CDH12: variants seen among roughly 807,000 people sequenced by gnomAD.
The protein encoded by CDH12 is cadherin 12.
In CDH12, 41 loss-of-function variants were observed where a neutral mutation model predicts 74.1. The observed-to-expected ratio is 0.55, with a 90% CI of 0.43 to 0.72. CDH12 has a LOEUF of 0.72. Ranked by LOEUF, CDH12 falls within the 30% of genes least tolerant of loss-of-function variation. The pLI, the probability that CDH12 is intolerant of heterozygous loss-of-function variation, is 0.00. For missense variants in CDH12, 945 were observed against 977.2 expected (o/e 0.97, Z 0.44); for synonymous variants, 399 against 355.0 (o/e 1.12, Z -1.39).
chr5:22,531,890 A>G (rs1004241351), intron 1 of CDH12, among the ~76,000 whole-genome samples: 7 of 152,108 alleles, frequency 4.6e-5, no homozygotes, highest in African/African-American at 1.7e-4. Context: ...CCACACCATG[A>G]CTGGCAGTTT....
chr5:22,731,061 T>A (rs1262721254), intron 1 of CDH12, among the ~76,000 whole-genome samples: 1 of 151,856 alleles, frequency 6.6e-6, no homozygotes, highest in Admixed American at 6.6e-5. Context: ...ATCAAAAGCA[T>A]CCTTTAAGAC....
intron 1 of CDH12, among the ~76,000 whole-genome samples, chr5:22,569,414 A>G (rs1303289053): frequency 6.6e-6 from 1 of 152,186 alleles, no homozygotes; most frequent in African/African-American, 2.4e-5. Flanking sequence ...AGGCCTCCCC[A>G]GAAGCTGAGC....
At position 22,078,462 on chromosome 5, in the gene CDH12, G is replaced by T. The variant is rs753706577; in HGVS notation, c.215C>A (p.Pro72His). 5 of 1,613,638 alleles carry T rather than the reference G, an allele frequency of 3.1e-6. No individual in the cohort carries two copies. The highest frequency in any genetic ancestry group is 4.2e-6 in the Non-Finnish European group (5 of 1,179,694). Residue 72 changes from proline to histidine, a missense_variant, in exon 5 of 15, where the codon CCT (proline) becomes CAT (histidine). By Grantham distance (77) the Pro-to-His change is moderately conservative. This residue lies in a region of CDH12 where 148 missense variants were observed against 162.8 expected (regional missense o/e 0.91). Transcript: ENST00000382254. ...CGCCATTACCTTTCCCACATACTGA[G>T]GCTCGGAGCCCACGTATTCTTCCAG... ...FVLEEYVGSE[P>H]QYVGKLHSDL...
At position 22,282,529 on chromosome 5, in the gene CDH12, A is replaced by C. The variant is rs571541337; in HGVS notation, c.-332-69886T>G. Among the ~76,000 whole-genome samples the C allele has an allele frequency of 2.0e-5, 3 of 151,894 alleles. No homozygotes were observed. The South Asian group carries it at 6.2e-4, about 32-fold the overall frequency. ...GGGCTAATATCCAGAATCTACAAGGAACTTAAATTTACAAGCAAAGAACAA... is the reference window on the plus strand; with the variant it reads ...GGGCTAATATCCAGAATCTACAAGGCACTTAAATTTACAAGCAAAGAACAA... On this transcript the variant is annotated intron_variant, in intron 3 of 14. Transcript: ENST00000382254.
intron 4 of CDH12, among the ~76,000 whole-genome samples, chr5:22,190,116 C>T (rs1750185517): frequency 1.3e-5 from 2 of 152,134 alleles, no homozygotes; most frequent in African/African-American, 2.4e-5. Flanking sequence ...AATTAATCCT[C>T]ATACTGAGTC....
intron 3 of CDH12, among the ~76,000 whole-genome samples, chr5:22,337,287 T>C (rs769252897): frequency 7.9e-5 from 12 of 152,178 alleles, no homozygotes; most frequent in Non-Finnish European, 1.5e-4. Context: ...ATATGGACTT[T>C]TGATTTAATG....
rs113015126 is a variant in CDH12 at position 22,063,743 on chromosome 5, G to A, written c.231+14703C>T. The stretch of plus-strand genomic sequence containing the variant: ...TAATGAGATTAACATTTAAATTGGC[G>A]GACTTTGAGTAAAACAGATTAGATG... On this transcript the variant is annotated intron_variant, in intron 5 of 14. Coordinates refer to ENST00000382254, the MANE Select transcript of CDH12 (RefSeq NM_004061.5). Among the ~76,000 whole-genome samples, 173 of 151,384 alleles carry A rather than the reference G, an allele frequency of 1.1e-3. 1 individual carries two copies. Among genetic ancestry groups the A allele is most frequent in the African/African-American group, 3.7e-3 (151 of 41,198 alleles).
At chr5:22,355,521 A>AT (rs70959719) in intron 3 of CDH12, among the ~76,000 whole-genome samples, 25,046 of 73,560 alleles carry the variant, frequency 0.34, 2,498 homozygotes, top group Non-Finnish European at 0.45. Flanking sequence ...CCTTAAAAAA[A>AT]AAATATATAT....
intron 1 of CDH12, among the ~76,000 whole-genome samples, chr5:22,802,320 C>T (rs1748575915): frequency 6.6e-6 from 1 of 151,848 alleles, no homozygotes; most frequent in Non-Finnish European, 1.5e-5. Flanking sequence ...TGGGGTTTCA[C>T]CATGTTAGCC....
chr5:22,380,541 A>G (rs1360137916), intron 3 of CDH12, among the ~76,000 whole-genome samples: 2 of 151,894 alleles, frequency 1.3e-5, no homozygotes, highest in African/African-American at 4.8e-5. Context: ...ACAAATACAA[A>G]AAAAAAACTA....
rs369492880 is a variant in CDH12 at position 22,257,906 on chromosome 5, T to C, written c.-332-45263A>G. On this transcript the variant is annotated intron_variant, in intron 3 of 14. Coordinates refer to ENST00000382254, the MANE Select transcript of CDH12 (RefSeq NM_004061.5). ...CCAATAGTGGAAGACTAGGCATAAATGGGTTAATCTAAGTGTCACAAAAGA... is the reference window on the plus strand; with the variant it reads ...CCAATAGTGGAAGACTAGGCATAAACGGGTTAATCTAAGTGTCACAAAAGA... Among the ~76,000 whole-genome samples the C allele has an allele frequency of 7.2e-5, 11 of 152,042 alleles. No individual in the cohort carries two copies. In the South Asian group the frequency reaches 1.9e-3, roughly 26 times the overall value.
chr5:22,092,843 C>T (rs1401970892), intron 4 of CDH12, among the ~76,000 whole-genome samples: 1 of 152,044 alleles, frequency 6.6e-6, no homozygotes, highest in Non-Finnish European at 1.5e-5. Flanking sequence ...ACAGTGGAAA[C>T]AAATTACATA....
At chr5:22,538,366 C>T (rs1225827381) in intron 1 of CDH12, among the ~76,000 whole-genome samples, 1 of 152,166 alleles carries the variant, frequency 6.6e-6, no homozygotes, top group Non-Finnish European at 1.5e-5. Flanking sequence ...TTAGTCTCTC[C>T]ACCAACCTCC....
chr5:22,743,547 A>T (rs1184780702), intron 1 of CDH12, among the ~76,000 whole-genome samples: 1 of 152,036 alleles, frequency 6.6e-6, no homozygotes, highest in Non-Finnish European at 1.5e-5. Context: ...TCTCATTTGT[A>T]AGACTGTCTG....
chr5:22,376,959 T>C (rs770861064), intron 3 of CDH12, among the ~76,000 whole-genome samples: 5 of 152,156 alleles, frequency 3.3e-5, no homozygotes, highest in Non-Finnish European at 7.3e-5. Flanking sequence ...CAAATTTGAT[T>C]TGGCTGAATT....
At chr5:22,719,365 A>G (rs956906810) in intron 1 of CDH12, among the ~76,000 whole-genome samples, 3 of 152,236 alleles carry the variant, frequency 2.0e-5, no homozygotes, top group African/African-American at 7.2e-5. Flanking sequence ...GAATCATGGA[A>G]TAGATGGTTA....
chr5:22,838,222 G>A (rs1736920403), intron 1 of CDH12, among the ~76,000 whole-genome samples: 1 of 152,134 alleles, frequency 6.6e-6, no homozygotes, highest in Non-Finnish European at 1.5e-5. Context: ...CGTAGAAGTA[G>A]TTGTTCAAAG....
chr5:22,578,150 T>A (rs1237707469), intron 1 of CDH12, among the ~76,000 whole-genome samples: 1 of 152,214 alleles, frequency 6.6e-6, no homozygotes, highest in East Asian at 1.9e-4. Context: ...TTATATCCAG[T>A]GTCTTTCTAC....
intron 1 of CDH12, among the ~76,000 whole-genome samples, chr5:22,741,785 C>T (rs923499678): frequency 6.6e-6 from 1 of 152,146 alleles, no homozygotes; most frequent in African/African-American, 2.4e-5. Context: ...CTAACAAGTG[C>T]AAGGGTTTAC....
Sources: gnomAD v4.1 joint callset for allele counts (sites outside exome capture counted in the v4.1 genomes callset) on GRCh38, gnomAD v4.1.1 for gene constraint, gnomAD v4.1.1 regional missense constraint, MANE v1.5 for transcripts, NCBI Gene and HGNC (gene_info 2026-07-23, HGNC 2026-07-21) for gene names.